NELL1: variants seen among roughly 807,000 people sequenced by gnomAD.
NELL1 encodes protein kinase C-binding protein NELL1.
A neutral mutation model predicts 107.4 loss-of-function variants in NELL1; 76 were observed. That is an observed-to-expected ratio of 0.71 (90% CI 0.59 to 0.86). The LOEUF (loss-of-function observed/expected upper bound fraction) is 0.86, where lower values mean the gene tolerates loss of function less well. Ranked by LOEUF, NELL1 falls within the 40% of genes least tolerant of loss-of-function variation. The pLI is 0.00. For missense variants in NELL1, 1,024 were observed against 1,005.5 expected (o/e 1.02, Z -0.25); for synonymous variants, 353 against 341.2 (o/e 1.03, Z -0.38).
chr11:21,017,057 C>A (rs1316394183), intron 12 of NELL1, among the ~76,000 whole-genome samples: 1 of 152,120 alleles, frequency 6.6e-6, no homozygotes, highest in Non-Finnish European at 1.5e-5. Flanking sequence ...GGCATCATCA[C>A]CACCATTCCC....
chr11:20,921,109 A>T (rs1850367723), intron 7 of NELL1, among the ~76,000 whole-genome samples: 1 of 152,142 alleles, frequency 6.6e-6, no homozygotes. Flanking sequence ...AAAATCAAGG[A>T]TATTATGTGT....
chr11:20,900,229 T>A (rs945164305), intron 5 of NELL1, among the ~76,000 whole-genome samples: 2 of 152,102 alleles, frequency 1.3e-5, no homozygotes, highest in Non-Finnish European at 2.9e-5. Context: ...CAAACTAGTT[T>A]ACATGATCAT....
intron 15 of NELL1, among the ~76,000 whole-genome samples, chr11:21,466,295 G>A (rs552862325): frequency 6.6e-6 from 1 of 152,248 alleles, no homozygotes; most frequent in South Asian, 2.1e-4. Flanking sequence ...CCTACTAGCT[G>A]GATTCATAAG....
At chr11:20,771,873 A>G (rs1380662549) in intron 2 of NELL1, among the ~76,000 whole-genome samples, 1 of 152,210 alleles carries the variant, frequency 6.6e-6, no homozygotes, top group Non-Finnish European at 1.5e-5. Flanking sequence ...CATTAAACCG[A>G]AACAATAATT....
At chr11:21,081,252 T>C (rs1156281658) in intron 12 of NELL1, among the ~76,000 whole-genome samples, 2 of 152,212 alleles carry the variant, frequency 1.3e-5, no homozygotes, top group East Asian at 3.9e-4. Flanking sequence ...TTCTCTTTTC[T>C]GTGGTAACAC....
intron 4 of NELL1, among the ~76,000 whole-genome samples, chr11:20,873,224 G>A (rs756014925): frequency 1.8e-4 from 28 of 152,162 alleles, no homozygotes; most frequent in Non-Finnish European, 3.4e-4. Flanking sequence ...AGATGGGACC[G>A]ACGACTGTGG....
chr11:20,822,069 C>A (rs1857768151), intron 3 of NELL1, among the ~76,000 whole-genome samples: 1 of 152,168 alleles, frequency 6.6e-6, no homozygotes, highest in Non-Finnish European at 1.5e-5. Context: ...CATACTGGGT[C>A]CCTGAGTGTC....
chr11:21,102,198 C>G (rs1854836831), intron 12 of NELL1, among the ~76,000 whole-genome samples: 1 of 152,152 alleles, frequency 6.6e-6, no homozygotes, highest in Non-Finnish European at 1.5e-5. Context: ...TTATTGCTTC[C>G]CTAAGGAGTC....
At position 20,879,807 on chromosome 11, in the gene NELL1, T is replaced by C. The variant is rs553073331; in HGVS notation, c.507-5637T>C. Among the ~76,000 whole-genome samples, 13 of 152,218 alleles carry C rather than the reference T, an allele frequency of 8.5e-5. No homozygotes were observed. In the East Asian group the frequency reaches 2.3e-3, roughly 27 times the overall value. Reference sequence around the variant, plus strand: ...GATATTTACTTAGAATTTTGAGTAATTTACATAGAAAAGTTTACGATTTAT... The same window carrying C: ...GATATTTACTTAGAATTTTGAGTAACTTACATAGAAAAGTTTACGATTTAT... On this transcript the variant is annotated intron_variant, in intron 4 of 19. Coordinates refer to ENST00000357134, the MANE Select transcript of NELL1 (RefSeq NM_006157.5).
chr11:21,173,543 T>C (rs987142248), intron 13 of NELL1, among the ~76,000 whole-genome samples: 2 of 151,892 alleles, frequency 1.3e-5, no homozygotes, highest in African/African-American at 4.9e-5. Flanking sequence ...AAGGCAGTGA[T>C]AGCCTTCTTT....
chr11:20,918,402 T>C (rs961857837), intron 6 of NELL1, 148 bp downstream of exon 6: 2 of 582,918 alleles, frequency 3.4e-6, no homozygotes, highest in Non-Finnish European at 6.1e-6. Context: ...ATCTACATTA[T>C]ATAATTCTGT....
At chr11:21,096,577 C>G (rs145523162) in intron 12 of NELL1, among the ~76,000 whole-genome samples, 1,832 of 152,254 alleles carry the variant, frequency 0.012, 42 homozygotes, top group African/African-American at 0.041. Context: ...CACTCCCCCT[C>G]ATTTGTTGAG....
chr11:20,689,056 TTA>T (rs1216742857), intron 2 of NELL1, among the ~76,000 whole-genome samples: 1 of 152,104 alleles, frequency 6.6e-6, no homozygotes. Context: ...TATTGGCCGC[TTA>T]TATGTCTTCT....
At chr11:21,195,695 T>A (rs1485897303) in intron 13 of NELL1, among the ~76,000 whole-genome samples, 1 of 152,128 alleles carries the variant, frequency 6.6e-6, no homozygotes, top group African/African-American at 2.4e-5. Context: ...ACATTCTTCT[T>A]TTTGGAACTA....
intron 16 of NELL1, among the ~76,000 whole-genome samples, chr11:21,544,487 G>A (rs988551937): frequency 6.6e-6 from 1 of 151,932 alleles, no homozygotes; most frequent in African/African-American, 2.4e-5. Flanking sequence ...CAGAATTCTT[G>A]GGGCTGATTC....
intron 15 of NELL1, among the ~76,000 whole-genome samples, chr11:21,445,629 G>A (rs1244635621): frequency 1.3e-5 from 2 of 152,148 alleles, no homozygotes; most frequent in African/African-American, 2.4e-5. Context: ...ACAGCGCCCG[G>A]CCTATACCAG....
At chr11:20,688,090 T>G (rs1039194357) in intron 2 of NELL1, among the ~76,000 whole-genome samples, 1 of 152,118 alleles carries the variant, frequency 6.6e-6, no homozygotes, top group Admixed American at 6.6e-5. Context: ...TTTTATTTAG[T>G]ATACTTTTAG....
At chr11:21,345,181 A>G (rs886608858) in intron 14 of NELL1, among the ~76,000 whole-genome samples, 3 of 152,120 alleles carry the variant, frequency 2.0e-5, no homozygotes, top group African/African-American at 7.2e-5. Flanking sequence ...AATTTGGGCT[A>G]TTTGCCTCTT....
At chr11:20,817,417 G>A (rs115919375) in intron 3 of NELL1, among the ~76,000 whole-genome samples, 1,552 of 152,102 alleles carry the variant, frequency 0.01, 22 homozygotes, top group African/African-American at 0.036. Flanking sequence ...TTTCGAGTTC[G>A]TGTGCATAAA....
Sources: gnomAD v4.1 joint callset for allele counts (sites outside exome capture counted in the v4.1 genomes callset) on GRCh38, gnomAD v4.1.1 for gene constraint, MANE v1.5 for transcripts, NCBI Gene and HGNC (gene_info 2026-07-23, HGNC 2026-07-21) for gene names.